Variants in MATN3 observed in about 807,000 individuals in gnomAD.
MATN3 encodes the protein matrilin 3, also known as matrilin-3.
In MATN3, 48 loss-of-function variants were observed where a neutral mutation model predicts 45.3. The observed-to-expected ratio is 1.06, with a 90% confidence interval of 0.84 to 1.35. The LOEUF is 1.35. Ranked by LOEUF, MATN3 falls within the 40% of genes most tolerant of loss-of-function variation. The pLI, the probability that MATN3 is intolerant of heterozygous loss-of-function variation, is 0.00. For missense variants in MATN3, 599 were observed against 628.0 expected (o/e 0.95, Z 0.49); for synonymous variants, 217 against 245.9 (o/e 0.88, Z 1.10).
At position 20,006,233 on chromosome 2, in the gene MATN3, T is replaced by C; in HGVS notation, c.301A>G (p.Lys101Glu). The C allele has an allele frequency of 6.2e-7, 1 of 1,612,636 alleles. No homozygotes were observed. The highest frequency in any genetic ancestry group is 1.1e-5 in the South Asian group (1 of 90,920). Residue 101 changes from lysine (K) to glutamate (E), a missense_variant, in exon 2 of 8, where the codon AAA becomes GAA. By Grantham distance (56) the Lys-to-Glu change is moderately conservative. Coordinates refer to ENST00000407540, the MANE Select transcript of MATN3 (RefSeq NM_002381.5). ...SRSVRPLEFT[K>E]VKTFVSRIID... ...ATCCGGGAGACAAAAGTTTTCACTT[T>C]GGTGAATTCCAGGGGCCGTACGCTA...
intron 1 of MATN3, among the ~76,000 whole-genome samples, chr2:20,007,066 GGC>G: frequency 6.6e-6 from 1 of 152,078 alleles, no homozygotes; most frequent in Non-Finnish European, 1.5e-5. Context: ...AAATTAGCCG[GGC>G]GTGGTAGTGG....
In MATN3 at chr2:20,012,433, C is replaced by T. The variant is rs954062045; in HGVS notation, c.199G>A (p.Glu67Lys). The T allele has an allele frequency of 7.3e-5, 90 of 1,229,314 alleles. No homozygotes were observed. Among genetic ancestry groups the T allele is most frequent in the Non-Finnish European group, 8.8e-5 (87 of 986,502 alleles). 76.2% of individuals were successfully genotyped at this position (1,229,314 alleles called of 1,614,324 possible). A position where few individuals can be genotyped will look rare whatever the true frequency, so the allele number is the denominator to read the frequency against. Reference sequence around the variant, plus strand: ...CCTGCACCGCGGGCGCGGCCAGGCTCGCTGGTCCCGGAAGCGGGCGCGCCG... The same window carrying T: ...CCTGCACCGCGGGCGCGGCCAGGCTTGCTGGTCCCGGAAGCGGGCGCGCCG... ...PDGAPASGTS[E>K]PGRARGAGVC... The change falls in exon 1 of 8, where the codon GAG becomes AAG. Residue 67 changes from glutamate (E) to lysine (K), a missense_variant. Transcript: ENST00000407540. The surrounding 1 kb of genome is among the most constrained non-coding windows in gnomAD (Gnocchi z 4.3).
At position 20,005,853 on chromosome 2, in the gene MATN3, C is replaced by T; in HGVS notation, c.681G>A (p.Met227Ile). ...LYAVGVDRAD[M>I]ASLKMMASEP... ...CACTGGCCATCATCTTGAGGGACGCCATGTCTGCCCGGTCCACGCCCACAG... is the reference window on the plus strand; with the variant it reads ...CACTGGCCATCATCTTGAGGGACGCTATGTCTGCCCGGTCCACGCCCACAG... The change falls in exon 2 of 8, where the codon ATG (methionine) becomes ATA (isoleucine). Residue 227 changes from methionine (M) to isoleucine (I), a missense_variant. Transcript: ENST00000407540. 6.2e-7 allele frequency: 1 copy of T among 1,609,704 alleles called. No homozygotes were observed. The highest frequency in any genetic ancestry group is 8.5e-7 in the Non-Finnish European group (1 of 1,177,932).
At chr2:20,001,876 C>A (rs1161837629) in intron 4 of MATN3, 79 bp downstream of exon 4, 2 of 1,394,462 alleles carry the variant, frequency 1.4e-6, no homozygotes, top group Non-Finnish European at 2.0e-6. Flanking sequence ...ACTTCCCAGT[C>A]AATGTGACCT....
In MATN3 at chr2:20,005,922, A is replaced by T. The variant is rs1333943967; in HGVS notation, c.612T>A (p.Asn204Lys). The stretch of plus-strand genomic sequence containing the variant: ...ATGCTTGGGCCCGAGCCGCCACCTC[A>T]TTCACCTGGTCCTGGGGCCTCCCAT... ...VTDGRPQDQV[N>K]EVAARAQASG... Residue 204 changes from asparagine (N) to lysine (K), a missense_variant, in exon 2 of 8, where the codon AAT (asparagine) becomes AAA (lysine). Physicochemically the swap from Asn to Lys is moderately conservative, Grantham distance 94. Coordinates refer to ENST00000407540, the MANE Select transcript of MATN3 (RefSeq NM_002381.5). 1.2e-6 allele frequency: 2 copies of T among 1,613,454 alleles called. No homozygotes were observed. The highest frequency in any genetic ancestry group is 1.3e-5 in the African/African-American group (1 of 74,910).
At chr2:20,009,898 A>T (rs1275958062) in intron 1 of MATN3, among the ~76,000 whole-genome samples, 1 of 151,850 alleles carries the variant, frequency 6.6e-6, no homozygotes, top group Non-Finnish European at 1.5e-5. Context: ...TTTAGGACCA[A>T]ACCAATGTAT....
At chr2:19,998,350 A>G (rs1460156509) in intron 5 of MATN3, among the ~76,000 whole-genome samples, 1 of 152,154 alleles carries the variant, frequency 6.6e-6, no homozygotes, top group Non-Finnish European at 1.5e-5. Flanking sequence ...TTGGGGCTCC[A>G]CATTTAATTT....
At chr2:20,001,009 A>C (rs1331750069) in intron 4 of MATN3, among the ~76,000 whole-genome samples, 4 of 152,222 alleles carry the variant, frequency 2.6e-5, no homozygotes, top group African/African-American at 9.6e-5. Context: ...CATTTGATTC[A>C]GAGCAGCATA....
In MATN3 at chr2:20,005,988, C is replaced by G; in HGVS notation, c.546G>C (p.Glu182Asp). ...CCACCTTAGGGATGTTAGAAGAGGG[C>G]TCTCGAGCCCCTGCCTCCACTGTGA... ...EAFTVEAGAR[E>D]PSSNIPKVAI... The change falls in exon 2 of 8, where the codon GAG becomes GAC. Residue 182 changes from glutamate to aspartate, a missense_variant. Coordinates refer to ENST00000407540, the MANE Select transcript of MATN3 (RefSeq NM_002381.5). The G allele has an allele frequency of 6.2e-7, 1 of 1,613,984 alleles. No individual in the cohort carries two copies. Among genetic ancestry groups the G allele is most frequent in the Middle Eastern group, 1.6e-4 (1 of 6,062 alleles).
intron 6 of MATN3, among the ~76,000 whole-genome samples, chr2:19,996,689 C>T (rs1397337296): frequency 1.3e-5 from 2 of 152,100 alleles, no homozygotes; most frequent in African/African-American, 2.4e-5. Context: ...AAGTAGTTAC[C>T]ATGGGCTGAG....
At chr2:20,005,582 GCA>G (rs1160416035) in intron 2 of MATN3, among the ~76,000 whole-genome samples, 160 bp downstream of exon 2, 1 of 152,072 alleles carries the variant, frequency 6.6e-6, no homozygotes, top group Admixed American at 6.5e-5. Context: ...TAGGTTGGTC[GCA>G]CACACGCGCG....
intron 1 of MATN3, among the ~76,000 whole-genome samples, chr2:20,008,982 C>T (rs1017460221): frequency 6.6e-6 from 1 of 152,008 alleles, no homozygotes; most frequent in African/African-American, 2.4e-5. Context: ...CCCAACACTT[C>T]GAGAGGCTGA....
chr2:20,012,347 G>A lies in MATN3; in HGVS notation c.223+62C>T. On this transcript the variant is annotated intron_variant, in intron 1 of 7. Coordinates refer to ENST00000407540, the MANE Select transcript of MATN3 (RefSeq NM_002381.5). This position sits in a 1 kb window ranked among gnomAD's most constrained non-coding sequence, Gnocchi z 4.3. ...CTGAGGCCGGGATGAAGCGCGCTTG[G>A]TGGATGCCCTGGGCTTCTCCTCGTT... The A allele has an allele frequency of 1.7e-6, 2 of 1,182,720 alleles. No homozygotes were observed. The highest frequency in any genetic ancestry group is 1.1e-6 in the Non-Finnish European group (1 of 945,188). The allele number at this position is 1,182,720 out of a possible 1,614,324, so 73.3% of individuals were successfully genotyped here.
rs1235551860 is a variant in MATN3, at chr2:20,006,086, C to T, written c.448G>A (p.Val150Met). The T allele has an allele frequency of 6.8e-6, 11 of 1,614,022 alleles. No homozygotes were observed. Among genetic ancestry groups the T allele is most frequent in the African/African-American group, 1.3e-5 (1 of 75,048 alleles). The change falls in exon 2 of 8, where the codon GTG becomes ATG. Residue 150 changes from valine (V) to methionine (M), a missense_variant. Val to Met is a conservative substitution (Grantham distance 21). Transcript: ENST00000407540. ...YTDKQSLKQA[V>M]GRITPLSTGT... ...GTTGACAAGGGTGTGATTCGACCCACGGCCTGCTTCAGGGACTGCTTATCT... is the reference window on the plus strand; with the variant it reads ...GTTGACAAGGGTGTGATTCGACCCATGGCCTGCTTCAGGGACTGCTTATCT...
At chr2:20,003,122 A>G (rs775977991) in intron 3 of MATN3, 39 bp downstream of exon 3, 3 of 1,610,532 alleles carry the variant, frequency 1.9e-6, no homozygotes, top group Non-Finnish European at 1.7e-6. Flanking sequence ...TAGGTTCCCA[A>G]GTATTTGATT....
chr2:19,994,268 G>T (rs747051251), intron 7 of MATN3, 31 bp downstream of exon 7: 2 of 1,456,758 alleles, frequency 1.4e-6, no homozygotes, highest in Non-Finnish European at 1.9e-6. Flanking sequence ...TTGGCTCCAG[G>T]CAGAAGGAGA....
chr2:20,003,022 G>T, intron 3 of MATN3, 139 bp downstream of exon 3: 1 of 873,650 alleles, frequency 1.1e-6, no homozygotes, highest in Non-Finnish European at 1.7e-6. Context: ...AGGGAAAACT[G>T]CTGATGAACA....
intron 5 of MATN3, chr2:19,997,558 A>C (rs1254609890): frequency 5.1e-6 from 1 of 196,138 alleles, no homozygotes; most frequent in Non-Finnish European, 1.0e-5. Flanking sequence ...ACTATATTCC[A>C]GAACTTACCT....
At chr2:20,006,798 G>T (rs1673115479) in intron 1 of MATN3, among the ~76,000 whole-genome samples, 1 of 152,182 alleles carries the variant, frequency 6.6e-6, no homozygotes, top group South Asian at 2.1e-4. Flanking sequence ...GGGCTCTTCT[G>T]GTGGCCCCCC....
Sources: gnomAD v4.1 joint callset for allele counts (sites outside exome capture counted in the v4.1 genomes callset) on GRCh38, gnomAD v4.1.1 for gene constraint, Gnocchi (gnomAD v3.1) non-coding constraint, MANE v1.5 for transcripts, NCBI Gene and HGNC (gene_info 2026-07-23, HGNC 2026-07-21) for gene names.